KIF26B: variants seen among roughly 807,000 people sequenced by gnomAD.
The protein encoded by KIF26B is kinesin-like protein KIF26B.
KIF26B carries 63 observed loss-of-function variants against 151.2 expected under a neutral mutation model. That is an observed-to-expected ratio of 0.42 (90% confidence interval 0.34 to 0.51). The LOEUF (loss-of-function observed/expected upper bound fraction) is 0.51, where lower values mean the gene tolerates loss of function less well. KIF26B is among the 20% of genes least tolerant of loss of function. KIF26B has a pLI of 0.07. For synonymous variants in KIF26B, 1,357 were observed against 1,262.1 expected (o/e 1.08, Z -1.59); for missense variants, 2,813 against 2,913.6 (o/e 0.97, Z 0.79).
intron 2 of KIF26B, among the ~76,000 whole-genome samples, chr1:245,280,068 CT>C (rs1671011315): frequency 6.6e-6 from 1 of 151,984 alleles, no homozygotes; most frequent in Non-Finnish European, 1.5e-5. Flanking sequence ...GATCTCTCCT[CT>C]TGAGGTCCAG....
chr1:245,191,683 TA>T (rs561875629), intron 2 of KIF26B, among the ~76,000 whole-genome samples: 21 of 152,286 alleles, frequency 1.4e-4, no homozygotes, highest in South Asian at 4.1e-4. Flanking sequence ...GCAGAGAATG[TA>T]AAAAATTACA....
intron 9 of KIF26B, among the ~76,000 whole-genome samples, chr1:245,613,343 C>T (rs2043548658): frequency 6.6e-6 from 1 of 152,196 alleles, no homozygotes; most frequent in Non-Finnish European, 1.5e-5. Context: ...TGGCTCACAC[C>T]TGTAATCCCA....
At position 245,597,820 on chromosome 1, in the gene KIF26B, G is replaced by T. The variant is rs768672686; in HGVS notation, c.1351-4757G>T. Among the ~76,000 whole-genome samples, 21 of 152,036 alleles carry T rather than the reference G, an allele frequency of 1.4e-4. No individual in the cohort carries two copies. The highest frequency in any genetic ancestry group is 2.4e-4 in the Non-Finnish European group (16 of 68,008). On this transcript the variant is annotated intron_variant, in intron 5 of 14. Transcript: ENST00000407071. This position sits in a 1 kb window ranked among gnomAD's most constrained non-coding sequence, Gnocchi z 4.6. Reference sequence around the variant, plus strand: ...TAGTTCCATATTTCTTGGAGGCTTTGTTCATTCCTTTTCATTCTTTTTTCT... The same window carrying T: ...TAGTTCCATATTTCTTGGAGGCTTTTTTCATTCCTTTTCATTCTTTTTTCT...
chr1:245,257,866 A>T (rs1474195451), intron 2 of KIF26B, among the ~76,000 whole-genome samples: 1 of 152,190 alleles, frequency 6.6e-6, no homozygotes, highest in Non-Finnish European at 1.5e-5. Context: ...TACTAAAAAT[A>T]CAAAAAGTAG....
intron 2 of KIF26B, among the ~76,000 whole-genome samples, chr1:245,205,576 T>C (rs75123993): frequency 0.011 from 1,725 of 152,312 alleles, 33 homozygotes; most frequent in African/African-American, 0.04. Context: ...GGCAACCTTA[T>C]GGTATGGCTG....
intron 2 of KIF26B, among the ~76,000 whole-genome samples, chr1:245,360,711 A>G (rs1672799457): frequency 1.3e-5 from 2 of 152,156 alleles, no homozygotes; most frequent in Non-Finnish European, 2.9e-5. Flanking sequence ...GGAAAAGATG[A>G]GACCTGGACA....
chr1:245,307,442 T>C (rs1484655170), intron 2 of KIF26B, among the ~76,000 whole-genome samples: 2 of 152,178 alleles, frequency 1.3e-5, no homozygotes, highest in Non-Finnish European at 2.9e-5. Context: ...GCCCCTAATA[T>C]CTATTCAAGT....
intron 2 of KIF26B, chr1:245,283,038 G>T (rs6664406): frequency 0.078 from 17,311 of 221,086 alleles, 786 homozygotes; most frequent in Middle Eastern, 0.11. Flanking sequence ...CTAATGGCCT[G>T]CAAATTCTAC....
intron 2 of KIF26B, among the ~76,000 whole-genome samples, chr1:245,182,050 A>C (rs1248542723): frequency 6.6e-6 from 1 of 152,156 alleles, no homozygotes; most frequent in Non-Finnish European, 1.5e-5. Context: ...GGAATCTGAG[A>C]TCATTCTTCT....
chr1:245,574,864 C>CTTTTT (rs201010492), intron 5 of KIF26B, among the ~76,000 whole-genome samples: 2 of 126,250 alleles, frequency 1.6e-5, no homozygotes. Context: ...TTTTTTTTTT[C>CTTTTT]TTTTTTTTTT....
Position 245,702,593 on chromosome 1 carries a change from C to T in KIF26B, c.6314C>T (p.Ser2105Phe). The T allele has an allele frequency of 6.2e-7, 1 of 1,613,886 alleles. No homozygotes were observed. The highest frequency in any genetic ancestry group is 2.2e-5 in the East Asian group (1 of 44,880). The change falls in exon 15 of 15, where the codon TCC becomes TTC. Residue 2105 changes from serine to phenylalanine, a missense_variant. Around this residue, in one of 3 missense-constraint regions of KIF26B, gnomAD observed 2,060 missense variants for 2,088.6 expected, o/e 0.99. Coordinates refer to ENST00000407071, the MANE Select transcript of KIF26B (RefSeq NM_018012.4). This position sits in a 1 kb window ranked among gnomAD's most constrained non-coding sequence, Gnocchi z 4.1. ...LMMITCFDIT[S>F]RRR Reference sequence around the variant, plus strand: ...ATGATCACCTGCTTCGACATCACCTCCAGGCGCCGGTAGATGAGCCAGACC... The same window carrying T: ...ATGATCACCTGCTTCGACATCACCTTCAGGCGCCGGTAGATGAGCCAGACC...
At chr1:245,314,438 C>T (rs547289773) in intron 2 of KIF26B, among the ~76,000 whole-genome samples, 2 of 152,088 alleles carry the variant, frequency 1.3e-5, no homozygotes, top group African/African-American at 2.4e-5. Flanking sequence ...GGCGACAGAG[C>T]GAGACTCTGT....
In KIF26B at chr1:245,221,880, TCTGA is replaced by T. The variant is rs562892960; in HGVS notation, c.465+65205_465+65208del. Among the ~76,000 whole-genome samples the T allele has an allele frequency of 9.8e-5, 15 of 152,356 alleles. No individual in the cohort carries two copies. In the East Asian group the frequency reaches 2.7e-3, roughly 27 times the overall value. On this transcript the variant is annotated intron_variant, in intron 2 of 14. Coordinates refer to ENST00000407071, the MANE Select transcript of KIF26B (RefSeq NM_018012.4). The stretch of plus-strand genomic sequence containing the variant: ...GAAGTCAATAGCCTTGGCTTCTAGG[TCTGA>T]CTGACTGTTCTATGGATAATGGATA...
intron 2 of KIF26B, among the ~76,000 whole-genome samples, chr1:245,229,943 G>A (rs746098060): frequency 1.3e-5 from 2 of 151,962 alleles, no homozygotes; most frequent in African/African-American, 2.4e-5. Flanking sequence ...GACCAGCCTG[G>A]CCAACATGGT....
chr1:245,540,945 G>C lies in KIF26B; in HGVS notation c.1345G>C (p.Gly449Arg). 6.2e-6 allele frequency: 10 copies of C among 1,612,412 alleles called. No individual in the cohort carries two copies. Among genetic ancestry groups the C allele is most frequent in the Non-Finnish European group, 8.5e-6 (10 of 1,178,762 alleles). Reference protein sequence around the residue: ...VNKVKDTPGLGKVKVMLRICS... With the variant: ...VNKVKDTPGLRKVKVMLRICS... Reference sequence around the variant, plus strand: ...CAAGGTGAAGGACACCCCGGGGCTGGGCAAGGTAGGACCATCCGCCGTCCC... The same window carrying C: ...CAAGGTGAAGGACACCCCGGGGCTGCGCAAGGTAGGACCATCCGCCGTCCC... The change falls in exon 5 of 15, where the codon GGC becomes CGC. Residue 449 changes from glycine (G) to arginine (R), a missense_variant. Physicochemically the swap from Gly to Arg is moderately radical, Grantham distance 125. Transcript: ENST00000407071. The surrounding 1 kb of genome is among the most constrained non-coding windows in gnomAD (Gnocchi z 4.6).
At chr1:245,245,703 C>G in intron 2 of KIF26B, among the ~76,000 whole-genome samples, 1 of 152,072 alleles carries the variant, frequency 6.6e-6, no homozygotes, top group South Asian at 2.1e-4. Context: ...GAGGCCGAGG[C>G]GGGTGGATCA....
At chr1:245,338,438 C>A (rs148909708) in intron 2 of KIF26B, among the ~76,000 whole-genome samples, 1 of 152,314 alleles carries the variant, frequency 6.6e-6, no homozygotes, top group African/African-American at 2.4e-5. Context: ...GCCAAAAATA[C>A]TTAATGGTTA....
intron 2 of KIF26B, among the ~76,000 whole-genome samples, chr1:245,176,744 G>C (rs551992373): frequency 5.9e-5 from 9 of 152,294 alleles, no homozygotes; most frequent in African/African-American, 1.9e-4. Flanking sequence ...GCTAGCAGGC[G>C]ATGGGGCCTT....
At chr1:245,380,501 A>G (rs1388294288) in intron 3 of KIF26B, among the ~76,000 whole-genome samples, 1 of 152,172 alleles carries the variant, frequency 6.6e-6, no homozygotes, top group Non-Finnish European at 1.5e-5. Flanking sequence ...CTGCTTGTTC[A>G]TGACGTGCTC....
Sources: gnomAD v4.1 joint callset for allele counts (sites outside exome capture counted in the v4.1 genomes callset) on GRCh38, gnomAD v4.1.1 for gene constraint, gnomAD v4.1.1 regional missense constraint, Gnocchi (gnomAD v3.1) non-coding constraint, MANE v1.5 for transcripts, NCBI Gene and HGNC (gene_info 2026-07-23, HGNC 2026-07-21) for gene names.